Variants in TTC23L observed in about 807,000 individuals in gnomAD.
TTC23L encodes the protein tetratricopeptide repeat domain 23 like.
TTC23L carries 42 observed loss-of-function variants against 48.1 expected under a neutral mutation model. That is an observed-to-expected ratio of 0.87 (90% CI 0.68 to 1.13). The LOEUF (loss-of-function observed/expected upper bound fraction) is 1.13, where lower values mean the gene tolerates loss of function less well. Ranked by LOEUF, TTC23L falls within the 50% of genes most tolerant of loss-of-function variation. The pLI is 0.00. For missense variants in TTC23L, 391 were observed against 421.0 expected (o/e 0.93, Z 0.62); for synonymous variants, 159 against 157.2 (o/e 1.01, Z -0.09).
intron 9 of TTC23L, chr5:34,888,597 C>T: frequency 3.5e-6 from 3 of 857,234 alleles, no homozygotes; most frequent in Non-Finnish European, 4.2e-6. Flanking sequence ...ATGGCATGGC[C>T]TCTCCCAGTT....
chr5:34,914,926 C>T, the TTC23L span: 1 of 1,609,148 alleles, frequency 6.2e-7, no homozygotes, highest in Non-Finnish European at 8.5e-7. Flanking sequence ...AGGGATGCTC[C>T]TGGGGCCAAC....
At chr5:34,886,282 T>C (rs1472533405) in intron 9 of TTC23L, among the ~76,000 whole-genome samples, 1 of 151,458 alleles carries the variant, frequency 6.6e-6, no homozygotes, top group Non-Finnish European at 1.5e-5. Flanking sequence ...TGGTGGGTTA[T>C]GTCATTGTTG....
chr5:34,888,459 T>A, intron 9 of TTC23L: 1 of 985,228 alleles, frequency 1.0e-6, no homozygotes, highest in South Asian at 4.7e-5. Context: ...ACCTAGTGTC[T>A]GATGATTCAA....
intron 4 of TTC23L, among the ~76,000 whole-genome samples, chr5:34,852,005 CTT>C (rs1488124114): frequency 6.6e-6 from 1 of 152,100 alleles, no homozygotes; most frequent in Non-Finnish European, 1.5e-5. Flanking sequence ...TTTGTCCTGT[CTT>C]TGAAGAATGA....
chr5:34,880,139 A>C, intron 8 of TTC23L, 42 bp from the exon 9 acceptor site: 1 of 1,574,740 alleles, frequency 6.4e-7, no homozygotes, highest in Non-Finnish European at 8.6e-7. Context: ...ACATTTGTAA[A>C]GGTTAGCAGC....
the TTC23L span, among the ~76,000 whole-genome samples, chr5:34,917,404 C>T: frequency 2.6e-5 from 4 of 151,570 alleles, no homozygotes; most frequent in Non-Finnish European, 4.4e-5. Context: ...GAGGCCGAGG[C>T]GGGTGGATCA....
chr5:34,896,327 C>A (rs1763223137), intron 9 of TTC23L, among the ~76,000 whole-genome samples: 1 of 152,142 alleles, frequency 6.6e-6, no homozygotes, highest in African/African-American at 2.4e-5. Flanking sequence ...TTTGGTGGAG[C>A]TTGATTATTA....
intron 3 of TTC23L, among the ~76,000 whole-genome samples, chr5:34,849,978 C>G (rs1176258393): frequency 6.6e-6 from 1 of 152,074 alleles, no homozygotes; most frequent in Non-Finnish European, 1.5e-5. Flanking sequence ...ACTAGGTACT[C>G]ATGGCAGAAA....
At chr5:34,924,908 A>G in the TTC23L span, 2 of 1,612,100 alleles carry the variant, frequency 1.2e-6, no homozygotes, top group Non-Finnish European at 1.7e-6. Flanking sequence ...AATCTCATAA[A>G]GATTTTCCAG....
chr5:34,840,780 G>A (rs776780309), intron 2 of TTC23L, 41 bp downstream of exon 2: 2 of 1,585,728 alleles, frequency 1.3e-6, no homozygotes, highest in South Asian at 1.1e-5. Context: ...TACTTACTGG[G>A]CTGAAACACT....
intron 9 of TTC23L, among the ~76,000 whole-genome samples, chr5:34,887,071 A>C (rs1371735076): frequency 6.6e-6 from 1 of 152,222 alleles, no homozygotes; most frequent in Non-Finnish European, 1.5e-5. Context: ...GTTGGTAAAG[A>C]TCAAGTAATA....
At chr5:34,913,404 A>T in the TTC23L span, 2 of 897,986 alleles carry the variant, frequency 2.2e-6, no homozygotes, top group Non-Finnish European at 3.3e-6. Flanking sequence ...TGTTCCAAAT[A>T]ACTTCCTGTA....
the TTC23L span, chr5:34,923,118 C>T: frequency 1.2e-6 from 2 of 1,603,392 alleles, no homozygotes; most frequent in Non-Finnish European, 8.5e-7. Context: ...AACTAACATA[C>T]ACTTTTTTAA....
At chr5:34,902,770 T>C (rs911452664), downstream of TTC23L, among the ~76,000 whole-genome samples, 1 of 152,130 alleles carries the variant, frequency 6.6e-6, no homozygotes, top group Non-Finnish European at 1.5e-5. Context: ...TGAAAGCAGC[T>C]ATATATTCCA....
intron 4 of TTC23L, among the ~76,000 whole-genome samples, chr5:34,853,251 C>G (rs1489198559): frequency 6.6e-6 from 1 of 152,124 alleles, no homozygotes; most frequent in Non-Finnish European, 1.5e-5. Flanking sequence ...TGTGTAGTGG[C>G]TGGGTGTGGT....
At chr5:34,888,505 G>C in intron 9 of TTC23L, 1 of 985,348 alleles carries the variant, frequency 1.0e-6, no homozygotes, top group Non-Finnish European at 1.2e-6. Context: ...GTAGAAGTAG[G>C]GAGACAAAGA....
At chr5:34,869,372 T>G (rs1761292383) in intron 8 of TTC23L, 1 of 187,326 alleles carries the variant, frequency 5.3e-6, no homozygotes, top group African/African-American at 2.3e-5. Context: ...CTCCTCCACT[T>G]TCAGTCTCCT....
chr5:34,846,328 G>A (rs1759136765), intron 3 of TTC23L, among the ~76,000 whole-genome samples: 1 of 151,684 alleles, frequency 6.6e-6, no homozygotes, highest in African/African-American at 2.4e-5. Context: ...GGGAGGCCAA[G>A]GTGGGCAGAT....
At chr5:34,910,885 A>G in the TTC23L span, among the ~76,000 whole-genome samples, 1 of 152,368 alleles carries the variant, frequency 6.6e-6, no homozygotes, top group South Asian at 2.1e-4. Flanking sequence ...TAATCCTGAA[A>G]AGAGACTTGT....
Sources: allele counts gnomAD v4.1 joint callset (sites outside exome capture counted in the v4.1 genomes callset), GRCh38; gene constraint gnomAD v4.1.1; transcripts MANE v1.5; gene names NCBI Gene and HGNC (gene_info 2026-07-23, HGNC 2026-07-21).